The following NLRP3 variants were observed in gnomAD, a reference collection of about 807,000 sequenced individuals.
NLRP3 encodes NLR family pyrin domain containing 3, also known as NACHT, LRR and PYD domains-containing protein 3.
NLRP3 carries 48 observed loss-of-function variants against 91.3 expected under a neutral mutation model. That is an observed-to-expected ratio of 0.53 (90% CI 0.42 to 0.67). The LOEUF (loss-of-function observed/expected upper bound fraction) is 0.67, where lower values mean the gene tolerates loss of function less well. NLRP3 is among the 30% of genes least tolerant of loss of function. The pLI is 0.00. For synonymous variants in NLRP3, 561 were observed against 507.9 expected (o/e 1.10, Z -1.41); for missense variants, 982 against 1,276.9 (o/e 0.77, Z 3.52).
intron 4 of NLRP3, among the ~76,000 whole-genome samples, chr1:247,428,607 A>G (rs1663076958): frequency 6.6e-6 from 1 of 151,994 alleles, no homozygotes; most frequent in Non-Finnish European, 1.5e-5. Flanking sequence ...CTACAGAAAA[A>G]CAAAAGCAAA....
At chr1:247,443,918 A>G (rs1572227108) in intron 7 of NLRP3, 54 bp from the exon 8 acceptor site, 1 of 1,580,722 alleles carries the variant, frequency 6.3e-7, no homozygotes, top group Non-Finnish European at 8.7e-7. Flanking sequence ...AAGCAGCTGC[A>G]CAATGTTGGG....
intron 9 of NLRP3, among the ~76,000 whole-genome samples, chr1:247,446,717 C>T (rs556765524): frequency 1.3e-5 from 2 of 152,300 alleles, no homozygotes; most frequent in East Asian, 3.9e-4. Flanking sequence ...TGCAGTGTAG[C>T]ACATCTTATG....
intron 2 of NLRP3, among the ~76,000 whole-genome samples, chr1:247,419,317 G>A (rs146216440): frequency 4.6e-5 from 7 of 151,934 alleles, no homozygotes; most frequent in African/African-American, 1.4e-4. Flanking sequence ...CTCCACGCCC[G>A]GCTAATTTTG....
At chr1:247,429,847 T>G in intron 5 of NLRP3, 92 bp downstream of exon 5, 59 of 1,491,486 alleles carry the variant, frequency 4.0e-5, no homozygotes, top group Non-Finnish European at 5.3e-5. Flanking sequence ...AGGACCAGGT[T>G]GCTGGTGTGG....
rs751608928 is a variant in NLRP3 at position 247,424,180 on chromosome 1, G to C, written c.731G>C (p.Gly244Ala). The C allele has an allele frequency of 6.2e-7, 1 of 1,613,890 alleles. No homozygotes were observed. Among genetic ancestry groups the C allele is most frequent in the Admixed American group, 1.7e-5 (1 of 59,998 alleles). Residue 244 changes from glycine to alanine, a missense_variant, in exon 4 of 10, where the codon GGG becomes GCG. Gly to Ala is a moderately conservative substitution (Grantham distance 60, BLOSUM62 0). Coordinates refer to ENST00000336119, the MANE Select transcript of NLRP3 (RefSeq NM_001243133.2). The surrounding 1 kb of genome is among the most constrained non-coding windows in gnomAD (Gnocchi z 8.1). ...AAGATGATGTTGGACTGGGCGTCGG[G>C]GACACTCTACCAAGACAGGTTTGAC... ...ARKMMLDWAS[G>A]TLYQDRFDYL...
At chr1:247,444,563 G>A in intron 8 of NLRP3, 88 bp from the exon 9 acceptor site, 2 of 1,427,094 alleles carry the variant, frequency 1.4e-6, no homozygotes, top group African/African-American at 2.8e-5. Flanking sequence ...TTTTCCACCT[G>A]AAACAAGACA....
At chr1:247,436,215 G>A in intron 7 of NLRP3, 75 bp downstream of exon 7, 1 of 1,466,286 alleles carries the variant, frequency 6.8e-7, no homozygotes, top group Non-Finnish European at 9.5e-7. Context: ...TGTGGATGGG[G>A]GTTACTTTGG....
At chr1:247,436,940 G>A (rs532200040) in intron 7 of NLRP3, among the ~76,000 whole-genome samples, 45 of 152,310 alleles carry the variant, frequency 3.0e-4, no homozygotes, top group African/African-American at 1.0e-3. Flanking sequence ...GATGCTATAG[G>A]GTAGGGTATC....
In NLRP3 at chr1:247,425,723, C is replaced by T. The variant is rs1225723347; in HGVS notation, c.2150+124C>T. 3.4e-6 allele frequency: 3 copies of T among 870,666 alleles called. No individual in the cohort carries two copies. Among genetic ancestry groups the T allele is most frequent in the Admixed American group, 2.0e-5 (1 of 50,408 alleles). 53.9% of individuals were successfully genotyped at this position (870,666 alleles called of 1,614,324 possible). A position where few individuals can be genotyped will look rare whatever the true frequency, so the allele number is the denominator to read the frequency against. On this transcript the variant is annotated intron_variant, in intron 4 of 9. Transcript: ENST00000336119. The surrounding 1 kb of genome is among the most constrained non-coding windows in gnomAD (Gnocchi z 4.1). ...CTGTTGCCACAGCTACATCATAATG[C>T]CACCACTGTCTGTTTGAGACTCCTT...
At chr1:247,437,018 A>G (rs1214644308) in intron 7 of NLRP3, among the ~76,000 whole-genome samples, 1 of 152,230 alleles carries the variant, frequency 6.6e-6, no homozygotes, top group Non-Finnish European at 1.5e-5. Flanking sequence ...AAGGACACTC[A>G]GAGAGAAGGT....
chr1:247,437,828 C>T (rs892358930), intron 7 of NLRP3, among the ~76,000 whole-genome samples: 16 of 152,278 alleles, frequency 1.1e-4, no homozygotes, highest in African/African-American at 1.7e-4. Flanking sequence ...CCTCTCCGAG[C>T]GGGTGACATT....
chr1:247,434,311 C>A (rs772467924), intron 6 of NLRP3, 38 bp downstream of exon 6: 1 of 1,611,704 alleles, frequency 6.2e-7, no homozygotes, highest in South Asian at 1.1e-5. Flanking sequence ...GTTCTGCCAG[C>A]GAGGCGTGCT....
chr1:247,417,555 C>T (rs575970009), intron 1 of NLRP3, among the ~76,000 whole-genome samples: 22 of 152,232 alleles, frequency 1.4e-4, no homozygotes, highest in South Asian at 4.1e-4. Context: ...GATCTTGGCT[C>T]ATCGCAACCT....
At position 247,425,540 on chromosome 1, in the gene NLRP3, A is replaced by G. The variant is rs201365203; in HGVS notation, c.2091A>G (p.Arg697=). The change falls in exon 4 of 10, where the codon CGA becomes CGG. Residue 697 remains arginine (R), a synonymous_variant. Transcript: ENST00000336119. This position sits in a 1 kb window ranked among gnomAD's most constrained non-coding sequence, Gnocchi z 4.1. The part of the protein sequence containing the change: ...KEEEEEEKEG[R]HLDMVQCVLP... The stretch of plus-strand genomic sequence containing the variant: ...AAGAGGAGGAGGAAAAGGAAGGCCG[A>G]CACCTTGATATGGTGCAGTGTGTCC... The G allele has an allele frequency of 1.2e-6, 2 of 1,613,256 alleles. No homozygotes were observed. Among genetic ancestry groups the G allele is most frequent in the Non-Finnish European group, 1.7e-6 (2 of 1,180,022 alleles).
rs141349813 is a variant in NLRP3, at chr1:247,425,258, G to A, written c.1809G>A (p.Arg603=). 1 of 1,614,174 alleles carries A rather than the reference G, an allele frequency of 6.2e-7. No individual in the cohort carries two copies. Among genetic ancestry groups the A allele is most frequent in the Non-Finnish European group, 8.5e-7 (1 of 1,180,042 alleles). Residue 603 remains arginine (R), a synonymous_variant, in exon 4 of 10, where the codon AGG becomes AGA. Transcript: ENST00000336119. The surrounding 1 kb of genome is among the most constrained non-coding windows in gnomAD (Gnocchi z 4.1). ...GTTGCAAGATCTCTCAGCAAATCAG[G>A]CTGGAGCTGCTGAAATGGATTGAAG... ...KLSCKISQQI[R]LELLKWIEVK...
At chr1:247,430,425 C>A (rs1255448026) in intron 5 of NLRP3, among the ~76,000 whole-genome samples, 1 of 129,584 alleles carries the variant, frequency 7.7e-6, no homozygotes, top group African/African-American at 2.5e-5. Flanking sequence ...GGATTAGGCA[C>A]AGTCAGGCAT....
chr1:247,431,381 A>T (rs577318809), intron 5 of NLRP3, among the ~76,000 whole-genome samples: 21 of 152,136 alleles, frequency 1.4e-4, no homozygotes, highest in African/African-American at 4.8e-4. Context: ...ACTCTAGGAC[A>T]TTTTGCTACC....
chr1:247,416,133 G>T (rs3738448), upstream of NLRP3: 7,436 of 152,484 alleles, frequency 0.049, 277 homozygotes, highest in East Asian at 0.15. Context: ...CCCTTCTGGG[G>T]CTGCGACTGC....
At position 247,418,447 on chromosome 1, in the gene NLRP3, G is replaced by C. The variant is rs201763868; in HGVS notation, c.-354G>C. The stretch of plus-strand genomic sequence containing the variant: ...TTCCTGAGTAGCTGGGATTACAGGC[G>C]CCCGCCACCACACCCGGCTCATTTT... On this transcript the variant is annotated 5_prime_UTR_variant, in exon 2 of 10. Transcript: ENST00000336119. 1 of 329,802 alleles carries C rather than the reference G, an allele frequency of 3.0e-6. No individual in the cohort carries two copies. The highest frequency in any genetic ancestry group is 1.1e-3 in the Middle Eastern group (1 of 898). The allele number at this position is 329,802 out of a possible 1,614,324, so 20.4% of individuals were successfully genotyped here.
Sources: gnomAD v4.1 joint callset for allele counts (sites outside exome capture counted in the v4.1 genomes callset) on GRCh38, gnomAD v4.1.1 for gene constraint, Gnocchi (gnomAD v3.1) non-coding constraint, MANE v1.5 for transcripts, NCBI Gene and HGNC (gene_info 2026-07-23, HGNC 2026-07-21) for gene names.